Variants in RGS6 observed in about 807,000 individuals in gnomAD.
RGS6 encodes regulator of G-protein signaling 6.
A neutral mutation model predicts 78.5 loss-of-function variants in RGS6; 30 were observed. The ratio of observed to expected loss-of-function variants is 0.38; its 90% CI spans 0.29 to 0.52. The LOEUF (loss-of-function observed/expected upper bound fraction) is 0.52, where lower values mean the gene tolerates loss of function less well. Among genes scored for constraint, RGS6 ranks in the 20% least tolerant of loss-of-function variants. The pLI, the probability that RGS6 is intolerant of heterozygous loss-of-function variation, is 0.85. For synonymous variants in RGS6, 206 were observed against 206.0 expected (o/e 1.00, Z 0.00); for missense variants, 495 against 609.7 (o/e 0.81, Z 1.98).
At position 72,465,614 on chromosome 14, in the gene RGS6, GTGGATGGGTGGATGGATGGA is replaced by G. The variant is rs2095885203; in HGVS notation, c.395-136_395-117del. 7.0e-6 allele frequency: 4 copies of G among 569,808 alleles called. No homozygotes were observed. The African/African-American group carries it at 8.6e-5, about 12-fold the overall frequency. 35.3% of individuals were successfully genotyped at this position (569,808 alleles called of 1,614,324 possible). A position where few individuals can be genotyped will look rare whatever the true frequency, so the allele number is the denominator to read the frequency against. ...GATGGATGGATGGTTGGGTGGATGG[GTGGATGGGTGGATGGATGGA>G]TGGATGGATGGATGGATGGATGGAT... On this transcript the variant is annotated intron_variant, in intron 6 of 17. Transcript: ENST00000553525.
chr14:72,425,738 T>C lies in RGS6; in HGVS notation c.185-28790T>C, dbSNP rs188080549. Among the ~76,000 whole-genome samples, 446 of 152,318 alleles carry C rather than the reference T, an allele frequency of 2.9e-3. 2 individuals carry two copies. The highest frequency in any genetic ancestry group is 0.01 in the African/African-American group (429 of 41,574). The stretch of plus-strand genomic sequence containing the variant: ...TTCAACATGTTTTGAAAGCTGGTTG[T>C]ATGGTATGTTTTGAAACCTTGAAAA... On this transcript the variant is annotated intron_variant, in intron 3 of 17. Coordinates refer to ENST00000553525, the MANE Select transcript of RGS6 (RefSeq NM_001204424.2).
chr14:72,194,072 C>T (rs776322522), intron 2 of RGS6, among the ~76,000 whole-genome samples: 6 of 151,974 alleles, frequency 3.9e-5, no homozygotes, highest in Non-Finnish European at 7.4e-5. Context: ...GTGAGAGGCT[C>T]CTAGAATAAT....
chr14:72,139,309 A>G lies in RGS6; in HGVS notation c.84+174434A>G, dbSNP rs372991409. Among the ~76,000 whole-genome samples the G allele has an allele frequency of 1.1e-4, 17 of 152,326 alleles. No individual in the cohort carries two copies. The East Asian group carries it at 3.1e-3, about 28-fold the overall frequency. On this transcript the variant is annotated intron_variant, in intron 2 of 17. Coordinates refer to ENST00000553525, the MANE Select transcript of RGS6 (RefSeq NM_001204424.2). Reference sequence around the variant, plus strand: ...ACTTCTGTCAATTCTCCATTCTTGAATAGTCTTCTAATATAGGCCTTTTCT... The same window carrying G: ...ACTTCTGTCAATTCTCCATTCTTGAGTAGTCTTCTAATATAGGCCTTTTCT...
intron 3 of RGS6, among the ~76,000 whole-genome samples, chr14:72,417,561 G>T (rs941452490): frequency 1.3e-5 from 2 of 152,196 alleles, no homozygotes; most frequent in African/African-American, 4.8e-5. Flanking sequence ...TCTATTGACA[G>T]ATCACTGCTA....
At chr14:72,046,468 TG>T (rs1275244985) in intron 2 of RGS6, among the ~76,000 whole-genome samples, 1 of 152,186 alleles carries the variant, frequency 6.6e-6, no homozygotes, top group Non-Finnish European at 1.5e-5. Flanking sequence ...GTTTTCGTTT[TG>T]TTTTTTAAGA....
chr14:71,990,509 G>T (rs1566971949), intron 2 of RGS6: 1 of 432,684 alleles, frequency 2.3e-6, no homozygotes. Context: ...AGCTGCACAG[G>T]GATGTACTGA....
At chr14:72,558,435 GGTAA>G (rs1440297656) in intron 17 of RGS6, among the ~76,000 whole-genome samples, 1 of 152,142 alleles carries the variant, frequency 6.6e-6, no homozygotes, top group Non-Finnish European at 1.5e-5. Flanking sequence ...CAGTCTCCCA[GGTAA>G]GTAAGTGGCA....
intron 10 of RGS6, 75 bp from the exon 11 acceptor site, chr14:72,476,667 A>G (rs1241030460): frequency 8.7e-7 from 1 of 1,154,894 alleles, no homozygotes; most frequent in Admixed American, 2.0e-5. Context: ...TGGATGAGTC[A>G]TTGGACTAGC....
chr14:72,179,064 A>G (rs2097141517), intron 2 of RGS6, among the ~76,000 whole-genome samples: 1 of 152,208 alleles, frequency 6.6e-6, no homozygotes, highest in Non-Finnish European at 1.5e-5. Context: ...TAACCAGAAA[A>G]TCATGAAACA....
intron 2 of RGS6, among the ~76,000 whole-genome samples, chr14:72,084,174 C>T (rs1293058985): frequency 6.6e-6 from 1 of 152,118 alleles, no homozygotes; most frequent in Admixed American, 6.5e-5. Context: ...GAAACTGTTC[C>T]CCTCGGATCA....
intron 17 of RGS6, among the ~76,000 whole-genome samples, chr14:72,544,164 G>A: frequency 6.6e-6 from 1 of 152,230 alleles, no homozygotes; most frequent in East Asian, 1.9e-4. Flanking sequence ...GAGGGGGCAA[G>A]AGGAATCGGG....
chr14:72,109,093 TTA>T (rs1381630285), intron 2 of RGS6, among the ~76,000 whole-genome samples: 2 of 152,128 alleles, frequency 1.3e-5, no homozygotes, highest in African/African-American at 4.8e-5. Context: ...TTGTAAATTT[TTA>T]TGTTGTTTTT....
chr14:72,270,922 A>G (rs536158094), intron 2 of RGS6, among the ~76,000 whole-genome samples: 7 of 152,350 alleles, frequency 4.6e-5, no homozygotes, highest in African/African-American at 1.4e-4. Flanking sequence ...CCCTTTTGTC[A>G]TGCATTTCAG....
At chr14:71,918,646 C>G in the RGS6 span, among the ~76,000 whole-genome samples, 1 of 152,174 alleles carries the variant, frequency 6.6e-6, no homozygotes, top group East Asian at 1.9e-4. Context: ...CAAAGCTCTC[C>G]TACTTTCTCA....
intron 2 of RGS6, among the ~76,000 whole-genome samples, chr14:71,975,168 A>G (rs1403671277): frequency 1.3e-5 from 2 of 152,100 alleles, no homozygotes; most frequent in Non-Finnish European, 2.9e-5. Flanking sequence ...ACAAAAAGAA[A>G]GTCTTTGTTT....
At chr14:72,453,832 C>T (rs1566886833) in intron 3 of RGS6, among the ~76,000 whole-genome samples, 1 of 152,018 alleles carries the variant, frequency 6.6e-6, no homozygotes, top group Non-Finnish European at 1.5e-5. Flanking sequence ...CTGCATTCCC[C>T]CAGGTCTTTG....
intron 2 of RGS6, among the ~76,000 whole-genome samples, chr14:71,986,288 G>T (rs1405277594): frequency 6.6e-6 from 1 of 152,204 alleles, no homozygotes; most frequent in African/African-American, 2.4e-5. Flanking sequence ...TTCAGGCTTA[G>T]ATGTAATGAG....
intron 2 of RGS6, among the ~76,000 whole-genome samples, chr14:72,236,657 C>G (rs971678318): frequency 7.9e-5 from 12 of 152,172 alleles, no homozygotes; most frequent in African/African-American, 2.9e-4. Context: ...CAGAGGCGCT[C>G]CTCACATCCC....
At chr14:72,550,350 G>T in intron 17 of RGS6, 1 of 870,654 alleles carries the variant, frequency 1.1e-6, no homozygotes, top group African/African-American at 1.7e-5. Flanking sequence ...GAGGCAGAGG[G>T]CACCTGTACT....
Sources: allele counts gnomAD v4.1 joint callset (sites outside exome capture counted in the v4.1 genomes callset), GRCh38; gene constraint gnomAD v4.1.1; transcripts MANE v1.5; gene names NCBI Gene and HGNC (gene_info 2026-07-23, HGNC 2026-07-21).